The following RAB3C variants were observed in gnomAD, a reference collection of about 807,000 sequenced individuals.
The protein encoded by RAB3C is ras-related protein Rab-3C.
In RAB3C, 17 loss-of-function variants were observed where a neutral mutation model predicts 26.4. That is an observed-to-expected ratio of 0.64 (90% CI 0.44 to 0.97). The LOEUF is 0.97. RAB3C is among the 50% of genes least tolerant of loss of function. The pLI, the probability that RAB3C is intolerant of heterozygous loss-of-function variation, is 0.00. For missense variants in RAB3C, 242 were observed against 281.9 expected (o/e 0.86, Z 1.01); for synonymous variants, 91 against 95.9 (o/e 0.95, Z 0.30).
At chr5:58,833,626 A>G (rs1021304974) in intron 4 of RAB3C, among the ~76,000 whole-genome samples, 6 of 152,178 alleles carry the variant, frequency 3.9e-5, no homozygotes, top group Admixed American at 1.3e-4. Context: ...AGAATTTCGG[A>G]GTAAAATCAA....
chr5:58,780,445 T>C (rs1454525799), intron 3 of RAB3C, among the ~76,000 whole-genome samples: 2 of 152,172 alleles, frequency 1.3e-5, no homozygotes, highest in African/African-American at 4.8e-5. Context: ...ACTCCTTGGT[T>C]ACCAATATCT....
chr5:58,813,637 C>T (rs3989147), intron 3 of RAB3C, among the ~76,000 whole-genome samples: 1,190 of 14,666 alleles, frequency 0.081, 23 homozygotes, highest in South Asian at 0.14. Context: ...TATATATACA[C>T]ACACACACAC....
intron 2 of RAB3C, among the ~76,000 whole-genome samples, chr5:58,698,543 C>G (rs1229400018): frequency 6.6e-6 from 1 of 152,270 alleles, no homozygotes; most frequent in African/African-American, 2.4e-5. Flanking sequence ...TCCATTTTCC[C>G]CATCACTTTC....
chr5:58,597,009 A>T (rs1443403717), intron 1 of RAB3C, among the ~76,000 whole-genome samples: 1 of 59,800 alleles, frequency 1.7e-5, no homozygotes, highest in Non-Finnish European at 2.7e-5. Flanking sequence ...TATAATATAT[A>T]AATATATAAT....
chr5:58,700,894 A>G (rs553895945), intron 2 of RAB3C, among the ~76,000 whole-genome samples: 22 of 152,356 alleles, frequency 1.4e-4, no homozygotes, highest in Admixed American at 7.8e-4. Flanking sequence ...TAACATTGTC[A>G]TTAATTCCTC....
At chr5:58,685,333 C>T (rs158999) in intron 2 of RAB3C, among the ~76,000 whole-genome samples, 70,087 of 151,882 alleles carry the variant, frequency 0.46, 17,236 homozygotes, top group East Asian at 0.56. Flanking sequence ...CTGTCTTGTG[C>T]TTTCCAGTGT....
At chr5:58,715,648 T>C (rs1343039722) in intron 2 of RAB3C, among the ~76,000 whole-genome samples, 2 of 152,140 alleles carry the variant, frequency 1.3e-5, no homozygotes, top group Admixed American at 6.6e-5. Flanking sequence ...GGTTCTGGAA[T>C]ACAGAAGTGT....
intron 1 of RAB3C, among the ~76,000 whole-genome samples, chr5:58,597,796 C>T (rs183689312): frequency 0.47 from 14,808 of 31,828 alleles, 3,858 homozygotes; most frequent in Middle Eastern, 0.6. Context: ...AAGTATATAA[C>T]ATGTAATACA....
intron 3 of RAB3C, among the ~76,000 whole-genome samples, chr5:58,742,522 G>A (rs566729741): frequency 1.3e-5 from 2 of 152,268 alleles, no homozygotes; most frequent in Non-Finnish European, 2.9e-5. Flanking sequence ...AAGGAGTTAA[G>A]TATAATAAAA....
intron 3 of RAB3C, among the ~76,000 whole-genome samples, chr5:58,737,065 C>T (rs1178193182): frequency 6.6e-6 from 1 of 152,070 alleles, no homozygotes; most frequent in Non-Finnish European, 1.5e-5. Flanking sequence ...TACAATTTGC[C>T]CACTGCTTCT....
At chr5:58,814,743 T>A (rs947496660) in intron 3 of RAB3C, 1 of 152,212 alleles carries the variant, frequency 6.6e-6, no homozygotes, top group East Asian at 1.9e-4. Context: ...GTTGTTTTTC[T>A]TCCTTGCATA....
chr5:58,685,993 A>C (rs909028650), intron 2 of RAB3C, among the ~76,000 whole-genome samples: 2 of 152,192 alleles, frequency 1.3e-5, no homozygotes, highest in Admixed American at 6.5e-5. Context: ...AAAGAAAAGC[A>C]GGTGACATGA....
At chr5:58,651,305 T>C (rs1688255527) in intron 2 of RAB3C, among the ~76,000 whole-genome samples, 1 of 152,134 alleles carries the variant, frequency 6.6e-6, no homozygotes, top group South Asian at 2.1e-4. Flanking sequence ...CCTATCTCTT[T>C]TTCATGTTTT....
chr5:58,764,778 G>C (rs1327684748), intron 3 of RAB3C, among the ~76,000 whole-genome samples: 1 of 152,130 alleles, frequency 6.6e-6, no homozygotes, highest in African/African-American at 2.4e-5. Context: ...CCTGAGGCGA[G>C]TAGCTTATAT....
intron 3 of RAB3C, among the ~76,000 whole-genome samples, chr5:58,816,624 T>A (rs1743223784): frequency 6.6e-6 from 1 of 152,198 alleles, no homozygotes; most frequent in South Asian, 2.1e-4. Flanking sequence ...AATTATGTAT[T>A]TGTAATTTGC....
At chr5:58,733,284 A>T (rs756283223) in intron 3 of RAB3C, among the ~76,000 whole-genome samples, 1 of 152,168 alleles carries the variant, frequency 6.6e-6, no homozygotes, top group Non-Finnish European at 1.5e-5. Flanking sequence ...GTAAAATTAC[A>T]TAGAAAACGC....
In RAB3C at chr5:58,852,711, G is replaced by A. The variant is rs757421851; in HGVS notation, c.*1360G>A. 9 of 152,182 alleles carry A rather than the reference G, an allele frequency of 5.9e-5. No homozygotes were observed. The highest frequency in any genetic ancestry group is 2.2e-4 in the African/African-American group (9 of 41,452). The allele number at this position is 152,182 out of a possible 1,614,324, so 9.4% of individuals were successfully genotyped here. ...AACAACAAATCCTACCAGCTGTACA[G>A]AGAGCAACAGGGAAATTTGGCCTCT... On this transcript the variant is annotated 3_prime_UTR_variant, in exon 5 of 5. Coordinates refer to ENST00000282878, the MANE Select transcript of RAB3C (RefSeq NM_138453.4).
intron 4 of RAB3C, among the ~76,000 whole-genome samples, chr5:58,831,657 T>C (rs950582396): frequency 6.6e-6 from 1 of 152,210 alleles, no homozygotes; most frequent in East Asian, 1.9e-4. Flanking sequence ...GAGTGTGCTA[T>C]TTTATTTGCT....
rs1180456360 is a variant in RAB3C at position 58,693,322 on chromosome 5, TTATATATATATGTGTATA to T, written c.253-32668_253-32651del. Among the ~76,000 whole-genome samples, 2 of 75,238 alleles carry T rather than the reference TTATATATATATGTGTATA, an allele frequency of 2.7e-5. 1 individual carries two copies. 49.4% of individuals were successfully genotyped at this position (75,238 alleles called of 152,430 possible). ...TAATTATATAAATAAAATTAAGAAA[TTATATATATATGTGTATA>T]TATATATATATATATATATATAAAA... On this transcript the variant is annotated intron_variant, in intron 2 of 4. Coordinates refer to ENST00000282878, the MANE Select transcript of RAB3C (RefSeq NM_138453.4).
Sources: allele counts gnomAD v4.1 joint callset (sites outside exome capture counted in the v4.1 genomes callset), GRCh38; gene constraint gnomAD v4.1.1; transcripts MANE v1.5; gene names NCBI Gene and HGNC (gene_info 2026-07-23, HGNC 2026-07-21).